Variants in ALCAM observed in about 807,000 individuals in gnomAD.
ALCAM encodes activated leukocyte cell adhesion molecule, also known as CD166 antigen.
A neutral mutation model predicts 70.9 loss-of-function variants in ALCAM; 30 were observed. That is an observed-to-expected ratio of 0.42 (90% CI 0.32 to 0.57). ALCAM has a LOEUF of 0.57. Among genes scored for constraint, ALCAM ranks in the 20% least tolerant of loss-of-function variants. ALCAM has a pLI of 0.11. For missense variants in ALCAM, 591 were observed against 695.1 expected, an observed-to-expected ratio of 0.85 and a Z score of 1.68; for synonymous variants, 249 against 242.5, an observed-to-expected ratio of 1.03 and a Z score of -0.25.
chr3:105,553,260 G>A, intron 14 of ALCAM: 1 of 321,038 alleles, frequency 3.1e-6, no homozygotes, highest in Non-Finnish European at 4.5e-6. Context: ...AACCAGCGAA[G>A]ATTCTTAACA....
At chr3:105,499,600 C>A (rs1287344361) in intron 1 of ALCAM, among the ~76,000 whole-genome samples, 2 of 152,164 alleles carry the variant, frequency 1.3e-5, no homozygotes, top group African/African-American at 4.8e-5. Context: ...TCATGTCTGT[C>A]TTTCTACATA....
chr3:105,517,186 G>A (rs1232677554), intron 1 of ALCAM, among the ~76,000 whole-genome samples: 1 of 152,076 alleles, frequency 6.6e-6, no homozygotes, highest in Non-Finnish European at 1.5e-5. Flanking sequence ...ACAGATGCAA[G>A]CCTTCAGTCC....
chr3:105,452,362 T>C (rs1396863530), intron 1 of ALCAM, among the ~76,000 whole-genome samples: 1 of 152,198 alleles, frequency 6.6e-6, no homozygotes, highest in Non-Finnish European at 1.5e-5. Flanking sequence ...CTGAGGATGA[T>C]GGCTTCCAGC....
chr3:105,370,717 A>G (rs1350133549), intron 1 of ALCAM, among the ~76,000 whole-genome samples: 1 of 151,626 alleles, frequency 6.6e-6, no homozygotes, highest in African/African-American at 2.4e-5. Flanking sequence ...TACTCTTTCC[A>G]GCCTTAGTAG....
intron 1 of ALCAM, among the ~76,000 whole-genome samples, chr3:105,446,032 G>A (rs1447604282): frequency 6.6e-6 from 1 of 152,124 alleles, no homozygotes; most frequent in Non-Finnish European, 1.5e-5. Flanking sequence ...ACTCTAAAGA[G>A]TGAAAATAGA....
intron 1 of ALCAM, among the ~76,000 whole-genome samples, chr3:105,480,860 A>G (rs1325766225): frequency 2.0e-5 from 3 of 152,188 alleles, no homozygotes; most frequent in Admixed American, 6.5e-5. Context: ...CTGATCTTAT[A>G]AAGTAATTCA....
rs1935230852 is a variant in ALCAM, at chr3:105,371,512, T to A, written c.73+4031T>A. 2.4e-5 allele frequency among the ~76,000 whole-genome samples: 2 copies of A among 83,622 alleles called. 1 individual carries two copies. Among genetic ancestry groups the A allele is most frequent in the African/African-American group, 8.6e-5 (2 of 23,222 alleles). The allele number at this position is 83,622 out of a possible 152,430, so 54.9% of individuals were successfully genotyped here. A position where few individuals can be genotyped will look rare whatever the true frequency, so the allele number is the denominator to read the frequency against. Reference sequence around the variant, plus strand: ...TCATTTTATTAAAATAATGGAAAGATGTTTCTTTTTTTTTTTCTCTTTTTT... The same window carrying A: ...TCATTTTATTAAAATAATGGAAAGAAGTTTCTTTTTTTTTTTCTCTTTTTT... On this transcript the variant is annotated intron_variant, in intron 1 of 15. Coordinates refer to ENST00000306107, the MANE Select transcript of ALCAM (RefSeq NM_001627.4).
intron 7 of ALCAM, 116 bp downstream of exon 7, chr3:105,540,218 T>C: frequency 9.2e-7 from 1 of 1,085,092 alleles, no homozygotes. Flanking sequence ...AGACGCCACC[T>C]ATAAAATGTC....
intron 1 of ALCAM, among the ~76,000 whole-genome samples, chr3:105,378,113 A>T (rs1023220286): frequency 6.6e-6 from 1 of 151,958 alleles, no homozygotes; most frequent in Admixed American, 6.6e-5. Context: ...TATTTTACAA[A>T]TTTTTTTAAA....
At chr3:105,367,640 C>T (rs1251472215) in intron 1 of ALCAM, among the ~76,000 whole-genome samples, 159 bp downstream of exon 1, 1 of 152,184 alleles carries the variant, frequency 6.6e-6, no homozygotes. Context: ...GGCTCGGTCA[C>T]CTGTGCCGCA....
intron 3 of ALCAM, among the ~76,000 whole-genome samples, chr3:105,530,851 G>T (rs865921740): frequency 1.2e-4 from 18 of 151,946 alleles, no homozygotes; most frequent in Non-Finnish European, 5.9e-5. Context: ...TTTTGCTACC[G>T]CAGAGACATT....
At chr3:105,455,444 A>C (rs879595061) in intron 1 of ALCAM, among the ~76,000 whole-genome samples, 22,854 of 88,898 alleles carry the variant, frequency 0.26, 1,862 homozygotes, top group East Asian at 0.43. Context: ...ACCGTCTCAA[A>C]AAAAAAAAAA....
At chr3:105,534,481 A>C (rs951877493) in intron 5 of ALCAM, among the ~76,000 whole-genome samples, 182 bp from the exon 6 acceptor site, 5 of 152,034 alleles carry the variant, frequency 3.3e-5, no homozygotes, top group Admixed American at 6.6e-5. Context: ...CCAGGATTCT[A>C]TTTCTGTGTC....
chr3:105,368,264 A>AGAGAGAGAG (rs1559767087), intron 1 of ALCAM, among the ~76,000 whole-genome samples: 161 of 142,008 alleles, frequency 1.1e-3, no homozygotes, highest in Non-Finnish European at 1.5e-3. Context: ...AGAGAGAGAG[A>AGAGAGAGAG]AAAGGCAAAA....
At chr3:105,388,434 G>A (rs1576126825) in intron 1 of ALCAM, among the ~76,000 whole-genome samples, 1 of 151,484 alleles carries the variant, frequency 6.6e-6, no homozygotes, top group Non-Finnish European at 1.5e-5. Flanking sequence ...AAGACTCAGG[G>A]ACTTCTACCT....
At chr3:105,373,163 T>C (rs1308328519) in intron 1 of ALCAM, among the ~76,000 whole-genome samples, 2 of 152,056 alleles carry the variant, frequency 1.3e-5, no homozygotes, top group Non-Finnish European at 2.9e-5. Flanking sequence ...GTAGGTTGAC[T>C]CTCCAGTAGG....
intron 1 of ALCAM, among the ~76,000 whole-genome samples, chr3:105,494,190 A>G (rs1056370036): frequency 1.3e-5 from 2 of 152,142 alleles, no homozygotes; most frequent in Non-Finnish European, 2.9e-5. Context: ...GGGGGGGAAA[A>G]AGCTATTATA....
At chr3:105,518,361 T>C (rs1304767525) in intron 1 of ALCAM, among the ~76,000 whole-genome samples, 1 of 152,072 alleles carries the variant, frequency 6.6e-6, no homozygotes, top group African/African-American at 2.4e-5. Context: ...AAATATGAAA[T>C]TACAAAATGG....
chr3:105,487,681 A>G (rs548741479), intron 1 of ALCAM, among the ~76,000 whole-genome samples: 1 of 152,310 alleles, frequency 6.6e-6, no homozygotes, highest in East Asian at 1.9e-4. Context: ...TAACATTAGT[A>G]CCTCTTAAGA....
Sources: gnomAD v4.1 joint callset for allele counts (sites outside exome capture counted in the v4.1 genomes callset) on GRCh38, gnomAD v4.1.1 for gene constraint, MANE v1.5 for transcripts, NCBI Gene and HGNC (gene_info 2026-07-23, HGNC 2026-07-21) for gene names.